TMEM9: variants seen among roughly 807,000 people sequenced by gnomAD.
TMEM9 encodes the protein transmembrane protein 9.
Under a neutral mutation model 22.8 loss-of-function variants are expected in TMEM9, and 13 were observed. The observed-to-expected ratio is 0.57, with a 90% CI of 0.37 to 0.91. The LOEUF (loss-of-function observed/expected upper bound fraction) is 0.91. Ranked by LOEUF, TMEM9 falls within the 40% of genes least tolerant of loss-of-function variation. The pLI is 0.01. For synonymous variants in TMEM9, 88 were observed against 93.0 expected (o/e 0.95, Z 0.31); for missense variants, 182 against 238.1 (o/e 0.76, Z 1.55).
chr1:201,157,799 C>T (rs929619999), upstream of TMEM9, among the ~76,000 whole-genome samples: 10 of 152,070 alleles, frequency 6.6e-5, no homozygotes, highest in African/African-American at 2.4e-4. Context: ...AGACCAAGGG[C>T]CAGGGGAGCC....
intron 1 of TMEM9, among the ~76,000 whole-genome samples, chr1:201,152,103 C>T (rs1379656504): frequency 6.6e-6 from 1 of 152,080 alleles, no homozygotes; most frequent in African/African-American, 2.4e-5. Flanking sequence ...GTTGTCTAGG[C>T]CTGCCAGTCC....
intron 2 of TMEM9, among the ~76,000 whole-genome samples, chr1:201,149,271 T>C (rs1665234826): frequency 6.6e-6 from 1 of 152,184 alleles, no homozygotes; most frequent in Non-Finnish European, 1.5e-5. Context: ...GTCAGTGTCT[T>C]TCAAACTGTA....
At chr1:201,148,336 C>CA (rs1665152649) in intron 2 of TMEM9, among the ~76,000 whole-genome samples, 1 of 152,220 alleles carries the variant, frequency 6.6e-6, no homozygotes, top group Non-Finnish European at 1.5e-5. Context: ...CATTCCCAGC[C>CA]TTCCTCAGAT....
chr1:201,161,519 A>T (rs1187310123), intron 1 of TMEM9, among the ~76,000 whole-genome samples: 1 of 152,184 alleles, frequency 6.6e-6, no homozygotes, highest in Non-Finnish European at 1.5e-5. Context: ...GTATCATAGG[A>T]TGTTATTGTA....
chr1:201,150,478 A>G (rs539229866), intron 2 of TMEM9, among the ~76,000 whole-genome samples: 2 of 152,370 alleles, frequency 1.3e-5, no homozygotes, highest in East Asian at 1.9e-4. Flanking sequence ...ACAAACACGT[A>G]CATACTTAAC....
At chr1:201,136,547 C>A (rs1243647046) in intron 4 of TMEM9, among the ~76,000 whole-genome samples, 1 of 151,972 alleles carries the variant, frequency 6.6e-6, no homozygotes, top group East Asian at 2.0e-4. Context: ...TTTGCAGAGC[C>A]CTCTCTGGCC....
chr1:201,166,734 ATATATTTTGT>A (rs558344964), intron 1 of TMEM9, among the ~76,000 whole-genome samples: 1 of 152,312 alleles, frequency 6.6e-6, no homozygotes, highest in South Asian at 2.1e-4. Flanking sequence ...TAGTCCCGTC[ATATATTTTGT>A]TTTTTAATTT....
At chr1:201,167,077 G>A (rs927817661) in intron 1 of TMEM9, among the ~76,000 whole-genome samples, 3 of 152,188 alleles carry the variant, frequency 2.0e-5, no homozygotes, top group Non-Finnish European at 4.4e-5. Context: ...TTCATATTGA[G>A]TTACAATTTG....
intron 4 of TMEM9, 138 bp from the exon 5 acceptor site, chr1:201,135,953 G>T: frequency 1.2e-6 from 1 of 830,544 alleles, no homozygotes; most frequent in Non-Finnish European, 1.8e-6. Context: ...CCCAAGTGCT[G>T]CAGGCTGAGG....
intron 1 of TMEM9, among the ~76,000 whole-genome samples, chr1:201,159,575 CTTT>C (rs35944174): frequency 1.1e-4 from 15 of 133,698 alleles, no homozygotes; most frequent in Admixed American, 1.5e-4. Flanking sequence ...GCAATTAAAC[CTTT>C]TTTTTTTTTT....
intron 1 of TMEM9, among the ~76,000 whole-genome samples, chr1:201,164,703 C>A (rs142310014): frequency 6.6e-6 from 1 of 152,152 alleles, no homozygotes; most frequent in Admixed American, 6.5e-5. Flanking sequence ...TTTCTTGGCT[C>A]GGCTTTCCTC....
At chr1:201,149,008 G>A (rs1214210736) in intron 2 of TMEM9, among the ~76,000 whole-genome samples, 1 of 152,178 alleles carries the variant, frequency 6.6e-6, no homozygotes, top group East Asian at 1.9e-4. Flanking sequence ...CCTTACCTGA[G>A]CTACACTGGG....
intron 1 of TMEM9, among the ~76,000 whole-genome samples, chr1:201,166,601 G>A (rs1472730296): frequency 6.6e-6 from 1 of 151,964 alleles, no homozygotes; most frequent in African/African-American, 2.4e-5. Flanking sequence ...GGCCTCAAGT[G>A]ACCCGCCTGC....
intron 3 of TMEM9, among the ~76,000 whole-genome samples, chr1:201,146,419 G>A (rs1664969372): frequency 6.6e-6 from 1 of 152,198 alleles, no homozygotes; most frequent in African/African-American, 2.4e-5. Context: ...GCACCGAAAA[G>A]AGATTTACTG....
At chr1:201,136,583 C>T (rs1386870924) in intron 4 of TMEM9, among the ~76,000 whole-genome samples, 4 of 152,092 alleles carry the variant, frequency 2.6e-5, no homozygotes, top group African/African-American at 9.7e-5. Flanking sequence ...TAGCTGAGGA[C>T]AGCTCAGCTT....
intron 1 of TMEM9, among the ~76,000 whole-genome samples, chr1:201,153,130 G>A (rs987724238): frequency 2.0e-5 from 3 of 152,310 alleles, no homozygotes. Flanking sequence ...AGCTGATACA[G>A]GTATTCTGGT....
At chr1:201,157,284 T>C (rs75015634), upstream of TMEM9, among the ~76,000 whole-genome samples, 20,647 of 152,188 alleles carry the variant, frequency 0.14, 1,878 homozygotes, top group Non-Finnish European at 0.2. Context: ...ATGCAGGTGG[T>C]TTCTCTGCCT....
intron 1 of TMEM9, 143 bp downstream of exon 1, chr1:201,153,715 A>G (rs561827800): frequency 6.5e-7 from 1 of 1,547,788 alleles, no homozygotes; most frequent in East Asian, 2.4e-5. Context: ...TTGAACCTGA[A>G]GGAAGACCAC....
At chr1:201,161,045 T>C (rs1336530238) in intron 1 of TMEM9, among the ~76,000 whole-genome samples, 4 of 152,236 alleles carry the variant, frequency 2.6e-5, no homozygotes, top group Non-Finnish European at 5.9e-5. Flanking sequence ...TTTATTTGTT[T>C]TGAAATAACA....
Sources: allele counts gnomAD v4.1 joint callset (sites outside exome capture counted in the v4.1 genomes callset), GRCh38; gene constraint gnomAD v4.1.1; transcripts MANE v1.5; gene names NCBI Gene and HGNC (gene_info 2026-07-23, HGNC 2026-07-21).